Variants in FANCL observed in about 807,000 individuals in gnomAD.
The protein encoded by FANCL is E3 ubiquitin-protein ligase FANCL.
A neutral mutation model predicts 59.4 loss-of-function variants in FANCL; 69 were observed. The observed-to-expected ratio is 1.16, with a 90% CI of 0.96 to 1.42. The LOEUF is 1.42. Ranked by LOEUF, FANCL falls within the 40% of genes most tolerant of loss-of-function variation. The probability of loss-of-function intolerance (pLI) is 0.00; values close to 1 mark genes in which losing one functional copy is unlikely to be tolerated. For missense variants in FANCL, 519 were observed against 447.2 expected, an observed-to-expected ratio of 1.16 and a Z score of -1.45; for synonymous variants, 180 against 147.1, an observed-to-expected ratio of 1.22 and a Z score of -1.62.
intron 4 of FANCL, among the ~76,000 whole-genome samples, chr2:58,223,921 C>A (rs1692721439): frequency 6.6e-6 from 1 of 151,882 alleles, no homozygotes; most frequent in Middle Eastern, 3.4e-3. Flanking sequence ...GTATAGGAAC[C>A]CTATTACTTA....
intron 4 of FANCL, among the ~76,000 whole-genome samples, chr2:58,225,146 C>A (rs921850420): frequency 3.2e-4 from 48 of 149,900 alleles, no homozygotes; most frequent in African/African-American, 1.2e-3. Flanking sequence ...AAAAATGGGA[C>A]AATTTAAGCA....
intron 1 of FANCL, among the ~76,000 whole-genome samples, chr2:58,233,054 A>C (rs1298234999): frequency 6.6e-6 from 1 of 152,066 alleles, no homozygotes; most frequent in Admixed American, 6.6e-5. Context: ...CTTTCATTAC[A>C]TTTAAATGTC....
chr2:58,195,925 A>G (rs1463922781), intron 7 of FANCL, among the ~76,000 whole-genome samples: 4 of 152,126 alleles, frequency 2.6e-5, no homozygotes, highest in East Asian at 1.9e-4. Flanking sequence ...ACCCATACTA[A>G]AAGTCTCATA....
intron 7 of FANCL, among the ~76,000 whole-genome samples, chr2:58,171,252 C>T (rs553841055): frequency 6.6e-6 from 1 of 152,296 alleles, no homozygotes; most frequent in African/African-American, 2.4e-5. Context: ...AGAAACTGAA[C>T]AACCTTCTCC....
intron 7 of FANCL, among the ~76,000 whole-genome samples, chr2:58,185,502 A>C (rs1688313366): frequency 6.6e-6 from 1 of 152,164 alleles, no homozygotes; most frequent in Non-Finnish European, 1.5e-5. Flanking sequence ...AAGGTCACCA[A>C]ATCACGAACT....
intron 5 of FANCL, among the ~76,000 whole-genome samples, chr2:58,209,735 A>G (rs1654788465): frequency 6.6e-6 from 1 of 152,178 alleles, no homozygotes; most frequent in Admixed American, 6.5e-5. Flanking sequence ...ACTTAAAGAG[A>G]TTAAGTTTGC....
chr2:58,217,131 T>TAAGCAG (rs1558805848), intron 5 of FANCL, among the ~76,000 whole-genome samples: 1 of 108,094 alleles, frequency 9.3e-6, no homozygotes, highest in Admixed American at 1.2e-4. Flanking sequence ...ATATATATAT[T>TAAGCAG]TTTATATATA....
At chr2:58,211,417 T>A (rs1040390832) in intron 5 of FANCL, among the ~76,000 whole-genome samples, 2 of 152,148 alleles carry the variant, frequency 1.3e-5, no homozygotes, top group Non-Finnish European at 2.9e-5. Flanking sequence ...TTTTTCCTCC[T>A]ACACCTCCAG....
intron 5 of FANCL, among the ~76,000 whole-genome samples, chr2:58,212,982 T>C (rs1021480993): frequency 2.0e-5 from 3 of 152,246 alleles, no homozygotes; most frequent in Non-Finnish European, 2.9e-5. Flanking sequence ...AACTTAGAAT[T>C]TGTATAATGT....
chr2:58,199,320 A>G (rs1264294041), intron 6 of FANCL, among the ~76,000 whole-genome samples: 1 of 152,158 alleles, frequency 6.6e-6, no homozygotes, highest in Non-Finnish European at 1.5e-5. Context: ...AAATGAGTTG[A>G]TATTTAATTT....
At chr2:58,208,173 A>G (rs898809666) in intron 5 of FANCL, among the ~76,000 whole-genome samples, 7 of 152,218 alleles carry the variant, frequency 4.6e-5, no homozygotes, top group African/African-American at 9.6e-5. Flanking sequence ...TTTAGGAAAC[A>G]ATCATCATTG....
At chr2:58,170,166 C>A (rs1450506383) in intron 7 of FANCL, among the ~76,000 whole-genome samples, 2 of 152,152 alleles carry the variant, frequency 1.3e-5, no homozygotes, top group Non-Finnish European at 2.9e-5. Flanking sequence ...AAGGGAAGCC[C>A]ATCAGACTAA....
At chr2:58,229,293 T>C (rs1693345043) in intron 3 of FANCL, among the ~76,000 whole-genome samples, 1 of 152,168 alleles carries the variant, frequency 6.6e-6, no homozygotes, top group Admixed American at 6.5e-5. Context: ...TTTTTTCTAA[T>C]CTTTAAAGGA....
intron 6 of FANCL, 141 bp downstream of exon 6, chr2:58,203,989 G>C: frequency 1.4e-6 from 1 of 736,600 alleles, no homozygotes; most frequent in Non-Finnish European, 2.4e-6. Context: ...TAAATTCTTT[G>C]AGGCTTTCCA....
intron 3 of FANCL, 98 bp from the exon 4 acceptor site, chr2:58,226,882 G>C (rs957631152): frequency 1.0e-6 from 1 of 975,630 alleles, no homozygotes; most frequent in African/African-American, 1.6e-5. Flanking sequence ...GTGAAAAAAA[G>C]ATTAGCTATA....
intron 5 of FANCL, among the ~76,000 whole-genome samples, chr2:58,213,048 G>A (rs1016805894): frequency 6.6e-6 from 1 of 152,128 alleles, no homozygotes; most frequent in African/African-American, 2.4e-5. Flanking sequence ...AACACAGCAA[G>A]GCCAGCATTA....
intron 7 of FANCL, among the ~76,000 whole-genome samples, chr2:58,166,112 T>C (rs1388825761): frequency 6.6e-6 from 1 of 151,514 alleles, no homozygotes; most frequent in African/African-American, 2.4e-5. Flanking sequence ...TTAAAAATCA[T>C]AATTTTTTTA....
At chr2:58,172,286 C>A (rs1573561027) in intron 7 of FANCL, among the ~76,000 whole-genome samples, 1 of 152,244 alleles carries the variant, frequency 6.6e-6, no homozygotes, top group Non-Finnish European at 1.5e-5. Flanking sequence ...TGAGAACAGG[C>A]AGACTGCCTC....
At chr2:58,186,403 C>A (rs765505083) in intron 7 of FANCL, among the ~76,000 whole-genome samples, 1 of 152,014 alleles carries the variant, frequency 6.6e-6, no homozygotes, top group Non-Finnish European at 1.5e-5. Context: ...GAAGGCAAAG[C>A]CAGAGACAAG....
Sources: allele counts gnomAD v4.1 joint callset (sites outside exome capture counted in the v4.1 genomes callset), GRCh38; gene constraint gnomAD v4.1.1; transcripts MANE v1.5; gene names NCBI Gene and HGNC (gene_info 2026-07-23, HGNC 2026-07-21).